The following SH2B2 variants were observed in gnomAD, a reference collection of about 807,000 sequenced individuals.
SH2B2 encodes the protein SH2B adaptor protein 2, also known as SH2B adapter protein 2.
Under a neutral mutation model 35.7 loss-of-function variants are expected in SH2B2, and 37 were observed. The ratio of observed to expected loss-of-function variants is 1.04; its 90% CI spans 0.80 to 1.36. SH2B2 has a LOEUF of 1.36. SH2B2 is among the 40% of genes most tolerant of loss of function. The probability of loss-of-function intolerance (pLI) is 0.00; values close to 1 mark genes in which losing one functional copy is unlikely to be tolerated. For synonymous variants in SH2B2, 383 were observed against 376.4 expected (o/e 1.02, Z -0.20); for missense variants, 852 against 817.7 (o/e 1.04, Z -0.51).
At chr7:102,320,780 C>T (rs1490199484) in intron 8 of SH2B2, among the ~76,000 whole-genome samples, 1 of 151,704 alleles carries the variant, frequency 6.6e-6, no homozygotes, top group Non-Finnish European at 1.5e-5. Flanking sequence ...GGGGTGGGGA[C>T]AGGGGTGTGG....
chr7:102,321,384 C>T lies in SH2B2; in HGVS notation c.1653C>T (p.Ala551=). 1.4e-6 allele frequency: 2 copies of T among 1,390,088 alleles called. No homozygotes were observed. The highest frequency in any genetic ancestry group is 1.9e-6 in the Non-Finnish European group (2 of 1,072,156). 86.1% of individuals were successfully genotyped at this position (1,390,088 alleles called of 1,614,324 possible). A position where few individuals can be genotyped will look rare whatever the true frequency, so the allele number is the denominator to read the frequency against. ...GCCAGCACTACTTCTCCAGCCTCGC[C>T]GCGGCCGCCTGCCCGCCTGCCTCGC... ...SPGQHYFSSL[A]AAACPPASPS... Residue 551 remains alanine, a synonymous_variant, in exon 9 of 9, where the codon GCC becomes GCT. Transcript: ENST00000444095.
chr7:102,293,467 G>A (rs188831934), intron 1 of SH2B2, among the ~76,000 whole-genome samples: 7 of 149,688 alleles, frequency 4.7e-5, no homozygotes, highest in African/African-American at 1.3e-4. Context: ...CATCAGAGAT[G>A]GGGAAAAAAA....
rs55750768 is a variant in SH2B2 at position 102,311,285 on chromosome 7, C to T, written c.923+2379C>T. Among the ~76,000 whole-genome samples the T allele has an allele frequency of 9.2e-3, 1,367 of 149,374 alleles. 25 individuals carry two copies. Among genetic ancestry groups the T allele is most frequent in the African/African-American group, 0.031 (1,274 of 40,646 alleles). On this transcript the variant is annotated intron_variant, in intron 4 of 8. Coordinates refer to ENST00000444095, the MANE Select transcript of SH2B2 (RefSeq NM_001359228.2). ...TTTTTTTTTTTTTGAGATGGAGTCT[C>T]GCTCCATCATCCAGGCTGGAATGTA...
intron 7 of SH2B2, among the ~76,000 whole-genome samples, chr7:102,318,138 T>C (rs1216857057): frequency 6.6e-6 from 1 of 152,000 alleles, no homozygotes; most frequent in African/African-American, 2.4e-5. Flanking sequence ...AAATGCTTTG[T>C]TTTTGTTTTT....
At chr7:102,312,170 G>C (rs1472289772) in intron 4 of SH2B2, among the ~76,000 whole-genome samples, 1 of 151,922 alleles carries the variant, frequency 6.6e-6, no homozygotes, top group Non-Finnish European at 1.5e-5. Context: ...TCAGGAGTTT[G>C]AGACCAGCTT....
intron 2 of SH2B2, among the ~76,000 whole-genome samples, chr7:102,303,334 G>A (rs1440153040): frequency 6.6e-6 from 1 of 152,168 alleles, no homozygotes; most frequent in East Asian, 1.9e-4. Flanking sequence ...GGGAGGTTTT[G>A]CTGGTGCAGC....
At position 102,297,553 on chromosome 7, in the gene SH2B2, C is replaced by A. The variant is rs1023968971; in HGVS notation, c.-29-2969C>A. ...CACACTAGGAGGAGACCCCTCAAGT[C>A]CTGGAGTCACTGCAGACCTGGGCGA... On this transcript the variant is annotated intron_variant, in intron 1 of 8. Coordinates refer to ENST00000444095, the MANE Select transcript of SH2B2 (RefSeq NM_001359228.2). This position sits in a 1 kb window ranked among gnomAD's most constrained non-coding sequence, Gnocchi z 4.3. 2.0e-5 allele frequency among the ~76,000 whole-genome samples: 3 copies of A among 152,200 alleles called. No individual in the cohort carries two copies. The highest frequency in any genetic ancestry group is 7.2e-5 in the African/African-American group (3 of 41,448).
intron 1 of SH2B2, among the ~76,000 whole-genome samples, chr7:102,288,236 G>C (rs1352549146): frequency 1.3e-5 from 2 of 151,932 alleles, no homozygotes; most frequent in Non-Finnish European, 2.9e-5. Flanking sequence ...CTTCCCTCCT[G>C]GCCTCCCCAC....
Position 102,298,510 on chromosome 7 carries a change from T to G in SH2B2, c.-29-2012T>G, listed in dbSNP as rs540593334. Among the ~76,000 whole-genome samples, 17 of 152,300 alleles carry G rather than the reference T, an allele frequency of 1.1e-4. No individual in the cohort carries two copies. The East Asian group carries it at 3.1e-3, about 28-fold the overall frequency. The stretch of plus-strand genomic sequence containing the variant: ...GGTGCCATCACAGCTCACTGTAGCC[T>G]CAACCTCCCAGGCTAAGGTAATCCT... On this transcript the variant is annotated intron_variant, in intron 1 of 8. Coordinates refer to ENST00000444095, the MANE Select transcript of SH2B2 (RefSeq NM_001359228.2).
rs1554553431 is a variant in SH2B2 at position 102,300,664 on chromosome 7, T to G, written c.114T>G (p.Phe38Leu). 6.5e-7 allele frequency: 1 copy of G among 1,549,260 alleles called. No homozygotes were observed. Among genetic ancestry groups the G allele is most frequent in the Non-Finnish European group, 8.7e-7 (1 of 1,144,966 alleles). The change falls in exon 2 of 9, where the codon TTT becomes TTG. Residue 38 changes from phenylalanine (F) to leucine (L), a missense_variant. By Grantham distance (22) the Phe-to-Leu change is conservative (BLOSUM62 0). This residue lies in a region of SH2B2 where 294 missense variants were observed against 286.6 expected (regional missense o/e 1.03). Transcript: ENST00000444095. ...ATGCGCAGGCGGCCGCCGTGGACTT[T>G]GCGCACAAGTTCTGCCGTTTCCTGC... ...ELHAQAAAVD[F>L]AHKFCRFLRD...
At chr7:102,289,938 C>A (rs925955469) in intron 1 of SH2B2, among the ~76,000 whole-genome samples, 1 of 152,116 alleles carries the variant, frequency 6.6e-6, no homozygotes, top group African/African-American at 2.4e-5. Context: ...AGAGCCCATC[C>A]AGGAACTGTC....
intron 6 of SH2B2, among the ~76,000 whole-genome samples, chr7:102,315,732 A>G (rs1563566947): frequency 1.9e-5 from 2 of 108,022 alleles, no homozygotes; most frequent in African/African-American, 3.5e-5. Flanking sequence ...ACAGAGAGAG[A>G]CCCTGTGAAA....
At chr7:102,301,364 G>T in intron 2 of SH2B2, 85 bp downstream of exon 2, 1 of 1,455,904 alleles carries the variant, frequency 6.9e-7, no homozygotes, top group Non-Finnish European at 9.1e-7. Flanking sequence ...GACTGCCTTT[G>T]GGGACCGCGT....
In SH2B2 at chr7:102,300,608, G is replaced by A. The variant is rs1554553408; in HGVS notation, c.58G>A (p.Val20Ile). Reference protein sequence around the residue: ...AAAPVPVPVPVPDWRQFCELH... With the variant: ...AAAPVPVPVPIPDWRQFCELH... Reference sequence around the variant, plus strand: ...CGCCCCGGTCCCAGTCCCGGTCCCGGTCCCGGACTGGCGGCAGTTCTGCGA... The same window carrying A: ...CGCCCCGGTCCCAGTCCCGGTCCCGATCCCGGACTGGCGGCAGTTCTGCGA... Residue 20 changes from valine to isoleucine, a missense_variant, in exon 2 of 9, where the codon GTC becomes ATC. By Grantham distance (29) the Val-to-Ile change is conservative. This residue lies in a region of SH2B2 where 294 missense variants were observed against 286.6 expected (regional missense o/e 1.03). Transcript: ENST00000444095. 1 of 1,551,084 alleles carries A rather than the reference G, an allele frequency of 6.4e-7. No homozygotes were observed. Among genetic ancestry groups the A allele is most frequent in the Non-Finnish European group, 8.7e-7 (1 of 1,146,432 alleles).
chr7:102,300,892 C>A lies in SH2B2; in HGVS notation c.342C>A (p.His114Gln), dbSNP rs1793141872. 3 of 1,468,050 alleles carry A rather than the reference C, an allele frequency of 2.0e-6. No homozygotes were observed. The East Asian group carries it at 7.8e-5, about 38-fold the overall frequency. The allele number at this position is 1,468,050 out of a possible 1,614,324, so 90.9% of individuals were successfully genotyped here. A position where few individuals can be genotyped will look rare whatever the true frequency, so the allele number is the denominator to read the frequency against. The change falls in exon 2 of 9, where the codon CAC (histidine) becomes CAA (glutamine). Residue 114 changes from histidine to glutamine, a missense_variant. His to Gln is a conservative substitution (Grantham distance 24). Around this residue, in one of 3 missense-constraint regions of SH2B2, gnomAD observed 294 missense variants for 286.6 expected, o/e 1.03. Transcript: ENST00000444095. Reference protein sequence around the residue: ...TSALKAAPYGHSRSSEDVSTH... With the variant: ...TSALKAAPYGQSRSSEDVSTH... The stretch of plus-strand genomic sequence containing the variant: ...CACTCAAGGCGGCGCCCTACGGCCA[C>A]TCGCGGAGCTCGGAGGACGTGTCCA...
intron 2 of SH2B2, among the ~76,000 whole-genome samples, chr7:102,306,227 C>T (rs1793393212): frequency 6.6e-6 from 1 of 152,208 alleles, no homozygotes; most frequent in Non-Finnish European, 1.5e-5. Flanking sequence ...GCTGGGACTA[C>T]AGGCATGCAC....
At chr7:102,313,414 C>G (rs1211080396) in intron 4 of SH2B2, among the ~76,000 whole-genome samples, 1 of 151,982 alleles carries the variant, frequency 6.6e-6, no homozygotes, top group Non-Finnish European at 1.5e-5. Context: ...TGCCACTGCA[C>G]TCCAGCCTGG....
chr7:102,300,319 C>T (rs1161871051), intron 1 of SH2B2, among the ~76,000 whole-genome samples: 2 of 152,202 alleles, frequency 1.3e-5, no homozygotes, highest in Non-Finnish European at 2.9e-5. Flanking sequence ...CGTGGGCCAC[C>T]GCGCCCGGCC....
Position 102,321,388 on chromosome 7 carries a change from G to A in SH2B2, c.1657G>A (p.Ala553Thr). The part of the protein sequence containing the change: ...GQHYFSSLAA[A>T]ACPPASPSDA... ...GCACTACTTCTCCAGCCTCGCCGCG[G>A]CCGCCTGCCCGCCTGCCTCGCCCTC... The change falls in exon 9 of 9, where the codon GCC becomes ACC. Residue 553 changes from alanine to threonine, a missense_variant. Physicochemically the swap from Ala to Thr is moderately conservative, Grantham distance 58 (BLOSUM62 0). Around this residue, in one of 3 missense-constraint regions of SH2B2, gnomAD observed 556 missense variants for 514.5 expected, o/e 1.08. Transcript: ENST00000444095. 5.0e-6 allele frequency: 7 copies of A among 1,386,800 alleles called. No homozygotes were observed. The South Asian group carries it at 1.1e-4, about 21-fold the overall frequency. 85.9% of individuals were successfully genotyped at this position (1,386,800 alleles called of 1,614,324 possible). A position where few individuals can be genotyped will look rare whatever the true frequency, so the allele number is the denominator to read the frequency against.
Sources: allele counts gnomAD v4.1 joint callset (sites outside exome capture counted in the v4.1 genomes callset), GRCh38; gene constraint gnomAD v4.1.1; regional missense constraint gnomAD v4.1.1; non-coding constraint Gnocchi (gnomAD v3.1); transcripts MANE v1.5; gene names NCBI Gene and HGNC (gene_info 2026-07-23, HGNC 2026-07-21).